CNTN4: variants seen among roughly 807,000 people sequenced by gnomAD.
The protein encoded by CNTN4 is contactin 4.
CNTN4 carries 77 observed loss-of-function variants against 122.5 expected under a neutral mutation model. That is an observed-to-expected ratio of 0.63 (90% CI 0.52 to 0.76). CNTN4 has a LOEUF of 0.76. CNTN4 is among the 30% of genes least tolerant of loss of function. The pLI is 0.00. For missense variants in CNTN4, 1,256 were observed against 1,259.1 expected, an observed-to-expected ratio of 1.00 and a Z score of 0.04; for synonymous variants, 512 against 447.0, an observed-to-expected ratio of 1.15 and a Z score of -1.83.
intron 2 of CNTN4, among the ~76,000 whole-genome samples, chr3:2,290,528 G>A (rs942865752): frequency 2.0e-5 from 3 of 152,154 alleles, no homozygotes; most frequent in Non-Finnish European, 4.4e-5. Flanking sequence ...AAGAGAGAAA[G>A]ACGATACGTG....
intron 6 of CNTN4, among the ~76,000 whole-genome samples, chr3:2,758,977 C>T (rs370755166): frequency 3.1e-3 from 467 of 152,176 alleles, no homozygotes; most frequent in Non-Finnish European, 5.2e-3. Flanking sequence ...AACCTGTAAC[C>T]GTTAACAGTC....
At position 2,630,139 on chromosome 3, in the gene CNTN4, C is replaced by A. The variant is rs191816827; in HGVS notation, c.55+58581C>A. On this transcript the variant is annotated intron_variant, in intron 4 of 24. Transcript: ENST00000418658. ...AGTTGTAAAGGAGCAAAAAAAGACACAGAACCATCTGAAGTCTTTGTGCAG... is the reference window on the plus strand; with the variant it reads ...AGTTGTAAAGGAGCAAAAAAAGACAAAGAACCATCTGAAGTCTTTGTGCAG... 2.6e-5 allele frequency among the ~76,000 whole-genome samples: 4 copies of A among 152,290 alleles called. 1 individual carries two copies. In the East Asian group the frequency reaches 7.7e-4, roughly 29 times the overall value.
rs547113770 is a variant in CNTN4, at chr3:2,341,680, G to A, written c.-89+2447G>A. Among the ~76,000 whole-genome samples, 13 of 152,314 alleles carry A rather than the reference G, an allele frequency of 8.5e-5. No homozygotes were observed. The South Asian group carries it at 2.1e-3, about 24-fold the overall frequency. On this transcript the variant is annotated intron_variant, in intron 3 of 24. Coordinates refer to ENST00000418658, the MANE Select transcript of CNTN4 (RefSeq NM_175607.3). ...TGTAAAAGTTGTAGTCTGTGGGACAGAATATCCCCAAAACAGTTAATTTGA... is the reference window on the plus strand; with the variant it reads ...TGTAAAAGTTGTAGTCTGTGGGACAAAATATCCCCAAAACAGTTAATTTGA...
Position 2,531,016 on chromosome 3 carries a change from G to A in CNTN4, c.-88-40400G>A, listed in dbSNP as rs572665437. 5.2e-4 allele frequency among the ~76,000 whole-genome samples: 79 copies of A among 152,284 alleles called. 1 individual carries two copies. The South Asian group carries it at 0.015, about 30-fold the overall frequency. ...TGTGCCATCTTCATAGATGACTCATGTGGAAGTATACTATCTCTACTAACA... is the reference window on the plus strand; with the variant it reads ...TGTGCCATCTTCATAGATGACTCATATGGAAGTATACTATCTCTACTAACA... On this transcript the variant is annotated intron_variant, in intron 3 of 24. Transcript: ENST00000418658.
At chr3:2,396,445 T>G (rs1391515923) in intron 3 of CNTN4, among the ~76,000 whole-genome samples, 1 of 152,138 alleles carries the variant, frequency 6.6e-6, no homozygotes, top group Non-Finnish European at 1.5e-5. Flanking sequence ...TGCCCTTTTT[T>G]GCCCAAAGCA....
At chr3:2,946,297 C>A (rs2094677455) in intron 13 of CNTN4, among the ~76,000 whole-genome samples, 1 of 152,180 alleles carries the variant, frequency 6.6e-6, no homozygotes, top group South Asian at 2.1e-4. Context: ...AAAATCCCTC[C>A]TGAACTTTCT....
chr3:2,521,343 T>TCGCCCACCC (rs781282977), intron 3 of CNTN4, among the ~76,000 whole-genome samples: 1 of 128,310 alleles, frequency 7.8e-6, no homozygotes, highest in Non-Finnish European at 1.6e-5. Context: ...CCTCTACCCA[T>TCGCCCACCC]CCCCCCCACC....
chr3:2,525,604 T>C lies in CNTN4; in HGVS notation c.-88-45812T>C, dbSNP rs560050732. Among the ~76,000 whole-genome samples, 7 of 152,316 alleles carry C rather than the reference T, an allele frequency of 4.6e-5. No individual in the cohort carries two copies. In the Middle Eastern group the frequency reaches 0.01, roughly 222 times the overall value. Reference sequence around the variant, plus strand: ...CACAAGGTGTAAAAATACAGTATTTTACATTTCTGCAGAATCTTGTCACTA... The same window carrying C: ...CACAAGGTGTAAAAATACAGTATTTCACATTTCTGCAGAATCTTGTCACTA... On this transcript the variant is annotated intron_variant, in intron 3 of 24. Transcript: ENST00000418658.
intron 6 of CNTN4, among the ~76,000 whole-genome samples, chr3:2,806,487 G>A (rs1250208338): frequency 3.3e-5 from 5 of 152,162 alleles, no homozygotes; most frequent in Admixed American, 1.3e-4. Context: ...GATTTCAGAG[G>A]CAGAAAACAG....
chr3:2,331,151 T>C (rs1345466189), intron 2 of CNTN4, among the ~76,000 whole-genome samples: 1 of 152,260 alleles, frequency 6.6e-6, no homozygotes, highest in Non-Finnish European at 1.5e-5. Context: ...CAGAATTGTA[T>C]TTAGCCAAAT....
At chr3:2,810,781 A>G (rs1166578302) in intron 6 of CNTN4, among the ~76,000 whole-genome samples, 4 of 152,230 alleles carry the variant, frequency 2.6e-5, no homozygotes, top group African/African-American at 7.2e-5. Context: ...CTTTTGAAGA[A>G]GGTATTTATG....
At chr3:2,502,039 C>G (rs2076607734) in intron 3 of CNTN4, among the ~76,000 whole-genome samples, 2 of 152,204 alleles carry the variant, frequency 1.3e-5, no homozygotes, top group South Asian at 4.2e-4. Flanking sequence ...TACGTGGATC[C>G]AATCTCTAAG....
chr3:2,910,872 G>A (rs917307717), intron 12 of CNTN4, among the ~76,000 whole-genome samples: 1 of 152,048 alleles, frequency 6.6e-6, no homozygotes, highest in African/African-American at 2.4e-5. Flanking sequence ...TTCCCCAATG[G>A]ACCAGTTGCC....
intron 7 of CNTN4, among the ~76,000 whole-genome samples, chr3:2,864,379 G>C (rs2093701155): frequency 6.6e-6 from 1 of 151,972 alleles, no homozygotes; most frequent in South Asian, 2.1e-4. Context: ...GCCTCCCGCA[G>C]AATTCAGAGA....
At chr3:2,451,059 T>C (rs2048811546) in intron 3 of CNTN4, among the ~76,000 whole-genome samples, 1 of 152,214 alleles carries the variant, frequency 6.6e-6, no homozygotes, top group East Asian at 1.9e-4. Context: ...ATTACTTTTC[T>C]ATGACCTAAA....
chr3:2,476,928 C>T (rs2075851224), intron 3 of CNTN4, among the ~76,000 whole-genome samples: 1 of 152,074 alleles, frequency 6.6e-6, no homozygotes, highest in African/African-American at 2.4e-5. Flanking sequence ...TGCTATAGGA[C>T]CCTGTATTTG....
intron 3 of CNTN4, among the ~76,000 whole-genome samples, chr3:2,389,975 G>A (rs915770734): frequency 1.3e-5 from 2 of 152,164 alleles, no homozygotes; most frequent in African/African-American, 2.4e-5. Flanking sequence ...AAAGGGACAT[G>A]TCAAGTGTAT....
At chr3:2,840,683 A>G (rs1462763441) in intron 7 of CNTN4, among the ~76,000 whole-genome samples, 8 of 150,160 alleles carry the variant, frequency 5.3e-5, no homozygotes, top group Non-Finnish European at 7.4e-5. Context: ...TGGGCGACAG[A>G]GCGACACTCC....
chr3:2,549,208 A>G (rs2078377204), intron 3 of CNTN4, among the ~76,000 whole-genome samples: 1 of 152,106 alleles, frequency 6.6e-6, no homozygotes, highest in East Asian at 1.9e-4. Flanking sequence ...CTCTTGCCTG[A>G]TTGCCCTGGC....
Sources: allele counts gnomAD v4.1 joint callset (sites outside exome capture counted in the v4.1 genomes callset), GRCh38; gene constraint gnomAD v4.1.1; transcripts MANE v1.5; gene names NCBI Gene and HGNC (gene_info 2026-07-23, HGNC 2026-07-21).